Variants in SLIT3 observed in about 807,000 individuals in gnomAD.
The protein encoded by SLIT3 is slit homolog 3 protein.
A neutral mutation model predicts 184.0 loss-of-function variants in SLIT3; 68 were observed. That is an observed-to-expected ratio of 0.37 (90% CI 0.30 to 0.45). The LOEUF (loss-of-function observed/expected upper bound fraction) is 0.45, where lower values mean the gene tolerates loss of function less well. Ranked by LOEUF, SLIT3 falls within the 20% of genes least tolerant of loss-of-function variation. The pLI, the probability that SLIT3 is intolerant of heterozygous loss-of-function variation, is 1.00. For missense variants in SLIT3, 1,707 were observed against 2,026.0 expected, an observed-to-expected ratio of 0.84 and a Z score of 3.02; for synonymous variants, 831 against 828.6, an observed-to-expected ratio of 1.00 and a Z score of -0.05.
At chr5:168,689,663 G>T (rs1582532558) in intron 29 of SLIT3, among the ~76,000 whole-genome samples, 1 of 152,228 alleles carries the variant, frequency 6.6e-6, no homozygotes, top group African/African-American at 2.4e-5. Context: ...GGTAGTATCT[G>T]CCCTTCATTG....
At chr5:168,802,023 A>T (rs1756782062) in intron 9 of SLIT3, among the ~76,000 whole-genome samples, 1 of 152,018 alleles carries the variant, frequency 6.6e-6, no homozygotes, top group Admixed American at 6.6e-5. Context: ...TAAGAGAATC[A>T]CTAGTAGCTA....
chr5:168,918,715 C>G (rs920427905), intron 4 of SLIT3, among the ~76,000 whole-genome samples: 2 of 152,134 alleles, frequency 1.3e-5, no homozygotes, highest in African/African-American at 4.8e-5. Context: ...TAAAGTTCTT[C>G]AGGAAAGGAG....
intron 14 of SLIT3, among the ~76,000 whole-genome samples, chr5:168,767,415 A>T (rs1755384843): frequency 1.3e-5 from 2 of 152,218 alleles, no homozygotes; most frequent in South Asian, 4.2e-4. Context: ...AGGTACCAAG[A>T]TCCCTCTCTT....
intron 5 of SLIT3, among the ~76,000 whole-genome samples, chr5:168,861,691 G>A (rs1759114875): frequency 6.6e-6 from 1 of 152,116 alleles, no homozygotes; most frequent in African/African-American, 2.4e-5. Flanking sequence ...CAACTGTACG[G>A]GTTGACAGCA....
intron 4 of SLIT3, among the ~76,000 whole-genome samples, chr5:169,108,795 G>A (rs1039564652): frequency 2.0e-5 from 3 of 152,156 alleles, no homozygotes; most frequent in African/African-American, 7.2e-5. Context: ...CAAGAGGGTG[G>A]ATGCTCTGTC....
chr5:168,918,845 C>G lies in SLIT3; in HGVS notation c.414-35509G>C, dbSNP rs1349552238. ...TTTCACTTCTTCTTAAAAATTTCTG[C>G]AGACATACCAACTTCCTTCTTCAAA... is the stretch of plus-strand genomic sequence containing the variant. On this transcript the variant is annotated intron_variant, in intron 4 of 35. Coordinates refer to ENST00000519560, the MANE Select transcript of SLIT3 (RefSeq NM_003062.4). 2.0e-5 allele frequency among the ~76,000 whole-genome samples: 3 copies of G among 152,182 alleles called. No individual in the cohort carries two copies. The East Asian group carries it at 5.8e-4, about 29-fold the overall frequency.
intron 4 of SLIT3, among the ~76,000 whole-genome samples, chr5:168,941,851 T>C (rs533809938): frequency 6.6e-6 from 1 of 152,164 alleles, no homozygotes; most frequent in Non-Finnish European, 1.5e-5. Context: ...TTTGTCAGGG[T>C]CAAATAAGAT....
intron 28 of SLIT3, among the ~76,000 whole-genome samples, chr5:168,693,175 G>A (rs1011771069): frequency 4.6e-5 from 7 of 152,196 alleles, no homozygotes; most frequent in African/African-American, 1.4e-4. Flanking sequence ...CAAATAAGCA[G>A]GCAATTACAA....
Position 168,754,023 on chromosome 5 carries a change from A to C in SLIT3, c.1686-16T>G, listed in dbSNP as rs929078882. 3 of 1,546,718 alleles carry C rather than the reference A, an allele frequency of 1.9e-6. No individual in the cohort carries two copies. In the African/African-American group the frequency reaches 4.1e-5, roughly 21 times the overall value. On this transcript the variant is annotated splice_polypyrimidine_tract_variant and intron_variant, in intron 16 of 35. Coordinates refer to ENST00000519560, the MANE Select transcript of SLIT3 (RefSeq NM_003062.4). The stretch of plus-strand genomic sequence containing the variant: ...ACTCAGATTTCTAGAAGGAAGAAAC[A>C]GAATAGGGGAGAATCAAAAGGAGCA...
At chr5:168,814,574 C>T (rs561313280) in intron 8 of SLIT3, among the ~76,000 whole-genome samples, 8 of 152,124 alleles carry the variant, frequency 5.3e-5, no homozygotes, top group Admixed American at 1.3e-4. Flanking sequence ...ACCTCCTTCT[C>T]TAGGGCCTCA....
intron 3 of SLIT3, among the ~76,000 whole-genome samples, chr5:169,202,381 C>T (rs1380317025): frequency 6.6e-6 from 1 of 152,128 alleles, no homozygotes; most frequent in Non-Finnish European, 1.5e-5. Flanking sequence ...CTCACTTCGT[C>T]CTTAAAGAAA....
At chr5:169,130,039 G>A in intron 4 of SLIT3, among the ~76,000 whole-genome samples, 1 of 152,122 alleles carries the variant, frequency 6.6e-6, no homozygotes, top group East Asian at 1.9e-4. Context: ...AGTGGAGACA[G>A]GATTTCACCA....
chr5:168,872,978 G>A (rs917864281), intron 5 of SLIT3, among the ~76,000 whole-genome samples: 2 of 152,036 alleles, frequency 1.3e-5, no homozygotes, highest in African/African-American at 4.8e-5. Context: ...TGGTCTTCTT[G>A]GAAATTCTGT....
rs192736992 is a variant in SLIT3 at position 168,972,530 on chromosome 5, T to C, written c.414-89194A>G. On this transcript the variant is annotated intron_variant, in intron 4 of 35. Coordinates refer to ENST00000519560, the MANE Select transcript of SLIT3 (RefSeq NM_003062.4). ...AATCTCAGTTTCCCCACTTGTCAAC[T>C]GAGTGGCTCTGAAAAGTTACATCAC... Among the ~76,000 whole-genome samples the C allele has an allele frequency of 3.0e-4, 46 of 152,186 alleles. 1 individual carries two copies. The highest frequency in any genetic ancestry group is 1.1e-3 in the African/African-American group (45 of 41,504).
chr5:169,055,787 C>T (rs565547802), intron 4 of SLIT3, among the ~76,000 whole-genome samples: 1 of 150,306 alleles, frequency 6.7e-6, no homozygotes, highest in South Asian at 2.1e-4. Flanking sequence ...GCCAAGATTG[C>T]ACCACTGCAC....
intron 4 of SLIT3, among the ~76,000 whole-genome samples, chr5:169,139,228 A>T (rs1761635799): frequency 6.6e-6 from 1 of 152,274 alleles, no homozygotes; most frequent in Non-Finnish European, 1.5e-5. Context: ...TCTTAGAAAC[A>T]GAACTACAGA....
chr5:169,280,325 G>A (rs1766955685), intron 1 of SLIT3, among the ~76,000 whole-genome samples: 1 of 152,196 alleles, frequency 6.6e-6, no homozygotes, highest in Non-Finnish European at 1.5e-5. Flanking sequence ...GAAGCATTTG[G>A]TATTGAGGGT....
At chr5:168,934,962 T>C (rs1231820087) in intron 4 of SLIT3, among the ~76,000 whole-genome samples, 1 of 126,306 alleles carries the variant, frequency 7.9e-6, no homozygotes, top group Non-Finnish European at 1.6e-5. Flanking sequence ...ACCCCATCTC[T>C]ACTAAAAAAA....
At chr5:169,188,395 T>C (rs1158544205) in intron 4 of SLIT3, among the ~76,000 whole-genome samples, 1 of 152,166 alleles carries the variant, frequency 6.6e-6, no homozygotes, top group Non-Finnish European at 1.5e-5. Flanking sequence ...AAGAAAAACC[T>C]GGAAGAGGAT....
Sources: allele counts gnomAD v4.1 joint callset (sites outside exome capture counted in the v4.1 genomes callset), GRCh38; gene constraint gnomAD v4.1.1; transcripts MANE v1.5; gene names NCBI Gene and HGNC (gene_info 2026-07-23, HGNC 2026-07-21).